NCOA5: variants seen among roughly 807,000 people sequenced by gnomAD.
NCOA5 encodes NCoA-5.
In NCOA5, 12 loss-of-function variants were observed where a neutral mutation model predicts 59.0. That is an observed-to-expected ratio of 0.20 (90% CI 0.13 to 0.33). The LOEUF (loss-of-function observed/expected upper bound fraction) is 0.33, where lower values mean the gene tolerates loss of function less well. Among genes scored for constraint, NCOA5 ranks in the 10% least tolerant of loss-of-function variants. The pLI, the probability that NCOA5 is intolerant of heterozygous loss-of-function variation, is 1.00. For missense variants in NCOA5, 655 were observed against 766.6 expected (o/e 0.85, Z 1.72); for synonymous variants, 270 against 275.5 (o/e 0.98, Z 0.20).
At chr20:46,072,824 T>A (rs893818874) in intron 2 of NCOA5, among the ~76,000 whole-genome samples, 10 of 152,212 alleles carry the variant, frequency 6.6e-5, no homozygotes, top group Admixed American at 6.5e-4. Context: ...CAAATTGACA[T>A]TACATATTTA....
chr20:46,066,641 A>T (rs988558350), intron 5 of NCOA5, among the ~76,000 whole-genome samples: 1 of 152,194 alleles, frequency 6.6e-6, no homozygotes, highest in South Asian at 2.1e-4. Flanking sequence ...CTTCAGGTGG[A>T]AACACTGGGA....
chr20:46,062,798 G>A lies in NCOA5; in HGVS notation c.1242C>T (p.Leu414=), dbSNP rs774048938. 10 of 1,579,000 alleles carry A rather than the reference G, an allele frequency of 6.3e-6. No homozygotes were observed. In the Admixed American group the frequency reaches 1.7e-4, roughly 28 times the overall value. ...CAGATGGAGTGGGTGTAGCAGAGGG[G>A]AGCACTTGGCCGCTCTGGAGCGGTT... The part of the protein sequence containing the change: ...SSQPLQSGQV[L]PSATPTPSAP... The change falls in exon 8 of 8, where the codon CTC becomes CTT. Residue 414 remains leucine (L), a synonymous_variant. Transcript: ENST00000290231.
Position 46,070,386 on chromosome 20 carries a change from G to A in NCOA5, c.189C>T (p.His63=). Residue 63 remains histidine, a synonymous_variant, in exon 3 of 8, where the codon CAC becomes CAT. Coordinates refer to ENST00000290231, the MANE Select transcript of NCOA5 (RefSeq NM_020967.3). ...DIRDPRDLRD[H]RHSRDLRDHR... ...GATCCCGCAAATCTCTACTATGTCT[G>A]TGGTCCCGCAAGTCTCGGGGGTCTC... is the stretch of plus-strand genomic sequence containing the variant. 6.2e-7 allele frequency: 1 copy of A among 1,613,650 alleles called. No homozygotes were observed. Among genetic ancestry groups the A allele is most frequent in the Non-Finnish European group, 8.5e-7 (1 of 1,179,934 alleles).
In NCOA5 at chr20:46,075,486, G is replaced by A. The variant is rs78061383; in HGVS notation, c.38+3901C>T. On this transcript the variant is annotated intron_variant, in intron 2 of 7. Transcript: ENST00000290231. ...TCTACAGCCAGGTTATTTCTGATGA[G>A]CCGATACCCAATGACTTTCACCAAA... Among the ~76,000 whole-genome samples the A allele has an allele frequency of 2.6e-5, 4 of 152,188 alleles. No homozygotes were observed. In the East Asian group the frequency reaches 7.7e-4, roughly 29 times the overall value.
intron 7 of NCOA5, among the ~76,000 whole-genome samples, 197 bp from the exon 8 acceptor site, chr20:46,063,086 G>A (rs2084785090): frequency 1.3e-5 from 2 of 152,176 alleles, no homozygotes; most frequent in South Asian, 4.1e-4. Context: ...CTAGAGAACT[G>A]CTAAAAAACA....
intron 2 of NCOA5, among the ~76,000 whole-genome samples, chr20:46,076,063 T>C (rs2145542549): frequency 6.6e-6 from 1 of 152,364 alleles, no homozygotes; most frequent in East Asian, 1.9e-4. Flanking sequence ...GATACCTACG[T>C]TAAGTCCAGC....
intron 2 of NCOA5, among the ~76,000 whole-genome samples, chr20:46,074,493 C>T (rs1887742859): frequency 6.6e-6 from 1 of 152,132 alleles, no homozygotes; most frequent in African/African-American, 2.4e-5. Context: ...CACTGGAGTC[C>T]ACAAACTGAA....
chr20:46,068,520 T>G lies in NCOA5; in HGVS notation c.484A>C (p.Ser162Arg). The G allele has an allele frequency of 1.2e-6, 2 of 1,612,042 alleles. No individual in the cohort carries two copies. The highest frequency in any genetic ancestry group is 2.2e-5 in the South Asian group (2 of 90,534). The change falls in exon 4 of 8, where the codon AGT (serine) becomes CGT (arginine). Residue 162 changes from serine to arginine, a missense_variant. By Grantham distance (110) the Ser-to-Arg change is moderately radical. Around this residue, in one of 3 missense-constraint regions of NCOA5, gnomAD observed 250 missense variants for 260.1 expected, o/e 0.96. Coordinates refer to ENST00000290231, the MANE Select transcript of NCOA5 (RefSeq NM_020967.3). ...FDGRGPPGPE[S>R]QSRAKERLKR... ...ACTTTACCTTTTGCACGAGACTGAC[T>G]TTCTGGGCCTGGAGGGCCCCGTCCA... is the stretch of plus-strand genomic sequence containing the variant.
intron 1 of NCOA5, among the ~76,000 whole-genome samples, chr20:46,089,612 G>T (rs899286403): frequency 7.2e-5 from 11 of 151,994 alleles, no homozygotes; most frequent in Non-Finnish European, 1.6e-4. Flanking sequence ...TCGGCCGGCC[G>T]GGCCTGGGCC....
At chr20:46,063,730 G>GC (rs757019045) in intron 6 of NCOA5, 50 bp from the exon 7 acceptor site, 5 of 1,540,738 alleles carry the variant, frequency 3.2e-6, no homozygotes, top group Non-Finnish European at 4.4e-6. Flanking sequence ...ATATTTAAGT[G>GC]CCCACCTGCT....
chr20:46,075,568 G>A (rs543335130), intron 2 of NCOA5, among the ~76,000 whole-genome samples: 6 of 152,334 alleles, frequency 3.9e-5, no homozygotes, highest in African/African-American at 7.2e-5. Flanking sequence ...TCTGCAGAGC[G>A]TTGGATGCAG....
rs756677429 is a variant in NCOA5, at chr20:46,070,367, G to A, written c.208C>T (p.Arg70Trp). 3.7e-6 allele frequency: 6 copies of A among 1,613,142 alleles called. No individual in the cohort carries two copies. The highest frequency in any genetic ancestry group is 4.5e-5 in the East Asian group (2 of 44,796). ...LRDHRHSRDLRDHRDSRSVRD... is the reference protein window; with the variant it reads ...LRDHRHSRDLWDHRDSRSVRD... The stretch of plus-strand genomic sequence containing the variant: ...ACACTCCTGCTGTCTCTGTGATCCC[G>A]CAAATCTCTACTATGTCTGTGGTCC... Residue 70 changes from arginine (R) to tryptophan (W), a missense_variant, in exon 3 of 8, where the codon CGG (arginine) becomes TGG (tryptophan). Around this residue, in one of 3 missense-constraint regions of NCOA5, gnomAD observed 250 missense variants for 260.1 expected, o/e 0.96. Transcript: ENST00000290231.
intron 1 of NCOA5, among the ~76,000 whole-genome samples, chr20:46,088,824 C>T (rs1384176121): frequency 6.6e-6 from 1 of 152,178 alleles, no homozygotes; most frequent in East Asian, 1.9e-4. Flanking sequence ...AGCTACTCCT[C>T]GGGCAGCGTT....
chr20:46,068,350 C>A (rs1362932738), intron 4 of NCOA5, 152 bp downstream of exon 4: 1 of 658,136 alleles, frequency 1.5e-6, no homozygotes, highest in Non-Finnish European at 2.3e-6. Flanking sequence ...ATGCTCTTTA[C>A]CCACTAATAA....
At chr20:46,085,894 G>A (rs1600635822) in intron 1 of NCOA5, among the ~76,000 whole-genome samples, 1 of 152,194 alleles carries the variant, frequency 6.6e-6, no homozygotes, top group East Asian at 1.9e-4. Flanking sequence ...GTATTTAAAT[G>A]TAAGACATTC....
At position 46,086,359 on chromosome 20, in the gene NCOA5, C is replaced by T. The variant is rs12480952; in HGVS notation, c.-30+3458G>A. 8.1e-3 allele frequency among the ~76,000 whole-genome samples: 1,234 copies of T among 152,214 alleles called. 9 individuals carry two copies. The highest frequency in any genetic ancestry group is 0.017 in the South Asian group (83 of 4,818). On this transcript the variant is annotated intron_variant, in intron 1 of 7. Coordinates refer to ENST00000290231, the MANE Select transcript of NCOA5 (RefSeq NM_020967.3). ...AATTGGTCCAGATGACCTATTATCTCTTTTTTTAAGTGAAAGGATAAAGAA... is the reference window on the plus strand; with the variant it reads ...AATTGGTCCAGATGACCTATTATCTTTTTTTTTAAGTGAAAGGATAAAGAA...
chr20:46,067,365 T>C (rs1261597685), intron 4 of NCOA5, among the ~76,000 whole-genome samples, 184 bp from the exon 5 acceptor site: 1 of 152,170 alleles, frequency 6.6e-6, no homozygotes, highest in African/African-American at 2.4e-5. Context: ...TTAAAGGACG[T>C]GGCCATTTTA....
chr20:46,089,376 G>T (rs1568891569), intron 1 of NCOA5, among the ~76,000 whole-genome samples: 1 of 152,238 alleles, frequency 6.6e-6, no homozygotes, highest in African/African-American at 2.4e-5. Flanking sequence ...CCTGGAGAAC[G>T]CCCGGTGCCA....
At chr20:46,063,299 A>C (rs966463513) in intron 7 of NCOA5, 61 bp downstream of exon 7, 1 of 1,541,296 alleles carries the variant, frequency 6.5e-7, no homozygotes, top group African/African-American at 1.4e-5. Flanking sequence ...CTCCCAACAG[A>C]GCCTGGGGAT....
Sources: gnomAD v4.1 joint callset for allele counts (sites outside exome capture counted in the v4.1 genomes callset) on GRCh38, gnomAD v4.1.1 for gene constraint, gnomAD v4.1.1 regional missense constraint, MANE v1.5 for transcripts, NCBI Gene and HGNC (gene_info 2026-07-23, HGNC 2026-07-21) for gene names.